The following RRP1 variants were observed in gnomAD, a reference collection of about 807,000 sequenced individuals.
RRP1 encodes the protein ribosomal RNA processing protein 1 homolog A.
RRP1 carries 37 observed loss-of-function variants against 54.6 expected under a neutral mutation model. The observed-to-expected ratio is 0.68, with a 90% CI of 0.52 to 0.89. The LOEUF (loss-of-function observed/expected upper bound fraction) is 0.89, where lower values mean the gene tolerates loss of function less well. Ranked by LOEUF, RRP1 falls within the 40% of genes least tolerant of loss-of-function variation. RRP1 has a pLI of 0.00. For synonymous variants in RRP1, 262 were observed against 244.3 expected (o/e 1.07, Z -0.67); for missense variants, 639 against 612.5 (o/e 1.04, Z -0.46).
In RRP1 at chr21:43,789,607, A is replaced by AG. The variant is rs749419242; in HGVS notation, c.-18dup. 4 of 1,584,086 alleles carry AG rather than the reference A, an allele frequency of 2.5e-6. No homozygotes were observed. In the African/African-American group the frequency reaches 5.5e-5, roughly 22 times the overall value. On this transcript the variant is annotated 5_prime_UTR_variant, in exon 1 of 13. Transcript: ENST00000497547. ...GCTGGGTACCAGGCGACTCCGGGAC[A>AG]GGGGGTCTCGGCCGTCGGCGTCATG...
At chr21:43,803,469 G>A (rs377728127) in intron 12 of RRP1, 43 bp from the exon 13 acceptor site, 14 of 1,506,516 alleles carry the variant, frequency 9.3e-6, no homozygotes, top group South Asian at 2.5e-5. Context: ...GAAAGAGCCC[G>A]TGTTGGCATT....
chr21:43,803,303 T>C (rs2085111771), intron 12 of RRP1, among the ~76,000 whole-genome samples: 1 of 152,208 alleles, frequency 6.6e-6, no homozygotes, highest in African/African-American at 2.4e-5. Flanking sequence ...GTCCTCACGC[T>C]GGTCCTTCTG....
At chr21:43,791,066 T>G (rs1415942607) in intron 1 of RRP1, 1 of 540,494 alleles carries the variant, frequency 1.9e-6, no homozygotes, top group Non-Finnish European at 3.5e-6. Flanking sequence ...GGTTCGCAAT[T>G]TTGAATTTCC....
At chr21:43,791,056 G>C (rs924519999) in intron 1 of RRP1, 5 of 522,220 alleles carry the variant, frequency 9.6e-6, no homozygotes, top group African/African-American at 9.5e-5. Flanking sequence ...AAACCGTCAA[G>C]GTTCGCAATT....
At chr21:43,796,622 C>T (rs1342814999) in intron 5 of RRP1, among the ~76,000 whole-genome samples, 1 of 152,184 alleles carries the variant, frequency 6.6e-6, no homozygotes, top group Non-Finnish European at 1.5e-5. Context: ...ATCTGTGTGT[C>T]TTCCTCTTGG....
At chr21:43,791,300 A>G (rs1334513009) in intron 1 of RRP1, 50 bp from the exon 2 acceptor site, 1 of 1,588,532 alleles carries the variant, frequency 6.3e-7, no homozygotes, top group Admixed American at 1.7e-5. Flanking sequence ...CCTTTCTGGC[A>G]CTCGAAGGTG....
At chr21:43,800,703 C>A in intron 10 of RRP1, 89 bp downstream of exon 10, 2 of 1,514,462 alleles carry the variant, frequency 1.3e-6, no homozygotes, top group Non-Finnish European at 1.8e-6. Context: ...TTGTCCTGGG[C>A]CCTTCCGCAG....
Position 43,803,987 on chromosome 21 carries a change from G to T in RRP1, c.*213G>T. 1.7e-6 allele frequency: 1 copy of T among 586,926 alleles called. No homozygotes were observed. Among genetic ancestry groups the T allele is most frequent in the Non-Finnish European group, 2.8e-6 (1 of 353,660 alleles). 36.4% of individuals were successfully genotyped at this position (586,926 alleles called of 1,614,324 possible). A position where few individuals can be genotyped will look rare whatever the true frequency, so the allele number is the denominator to read the frequency against. The stretch of plus-strand genomic sequence containing the variant: ...CCCCAGAGCCTCCGCCTGTGGCTGT[G>T]ATGACCTTGGGCCAGAAGGTCAAAC... On this transcript the variant is annotated 3_prime_UTR_variant, in exon 13 of 13. Coordinates refer to ENST00000497547, the MANE Select transcript of RRP1 (RefSeq NM_003683.6).
intron 2 of RRP1, 142 bp downstream of exon 2, chr21:43,791,574 C>G: frequency 1.4e-6 from 1 of 709,528 alleles, no homozygotes; most frequent in Non-Finnish European, 2.3e-6. Context: ...TCAATCTCGG[C>G]TTACTGCAAC....
intron 1 of RRP1, chr21:43,790,875 G>A: frequency 4.8e-6 from 2 of 412,612 alleles, no homozygotes; most frequent in South Asian, 3.5e-5. Flanking sequence ...ACAGGCGTGA[G>A]CCACCGCACC....
rs73379017 is a variant in RRP1 at position 43,795,109 on chromosome 21, G to A, written c.361-80G>A. The A allele has an allele frequency of 2.5e-4, 327 of 1,315,954 alleles. 1 individual carries two copies. Among genetic ancestry groups the A allele is most frequent in the African/African-American group, 2.3e-3 (155 of 68,608 alleles). The allele number at this position is 1,315,954 out of a possible 1,614,324, so 81.5% of individuals were successfully genotyped here. ...CACGGCCATGACTTTATCCTGCAGC[G>A]GATGGTGGTACATGGGGATGGGTGG... On this transcript the variant is annotated intron_variant, in intron 4 of 12. Transcript: ENST00000497547.
In RRP1 at chr21:43,796,239, G is replaced by A. The variant is rs141676102; in HGVS notation, c.422+989G>A. On this transcript the variant is annotated intron_variant, in intron 5 of 12. Coordinates refer to ENST00000497547, the MANE Select transcript of RRP1 (RefSeq NM_003683.6). ...TGCATTTAGGGCAGCGGTGCCTCTG[G>A]TTTGGAGGGATTTTCATTCTTCTAT... Among the ~76,000 whole-genome samples the A allele has an allele frequency of 2.1e-3, 322 of 152,250 alleles. 2 individuals carry two copies. The highest frequency in any genetic ancestry group is 7.6e-3 in the African/African-American group (314 of 41,542).
rs543394282 is a variant in RRP1 at position 43,793,139 on chromosome 21, T to G, written c.275-180T>G. ...GTCTGTAGGACTCACTTGAGGAGCCTCTAAAAATCCTCATGTCCAGATCCT... is the reference window on the plus strand; with the variant it reads ...GTCTGTAGGACTCACTTGAGGAGCCGCTAAAAATCCTCATGTCCAGATCCT... On this transcript the variant is annotated intron_variant, in intron 3 of 12. Transcript: ENST00000497547. The G allele has an allele frequency of 3.9e-4, 237 of 613,732 alleles. 4 individuals are homozygous for G. The African/African-American group carries it at 4.0e-3, about 10-fold the overall frequency. The allele number at this position is 613,732 out of a possible 1,614,324, so 38.0% of individuals were successfully genotyped here.
chr21:43,801,359 C>T (rs1355447239), intron 11 of RRP1, among the ~76,000 whole-genome samples: 1 of 152,220 alleles, frequency 6.6e-6, no homozygotes, highest in African/African-American at 2.4e-5. Context: ...TCTGCGTGTC[C>T]CTGCCGGCCT....
rs1555889809 is a variant in RRP1, at chr21:43,791,413, A to G, written c.197A>G (p.Gln66Arg). The change falls in exon 2 of 13, where the codon CAG (glutamine) becomes CGG (arginine). Residue 66 changes from glutamine to arginine, a missense_variant. Gln to Arg is a conservative substitution (Grantham distance 43, BLOSUM62 1). Coordinates refer to ENST00000497547, the MANE Select transcript of RRP1 (RefSeq NM_003683.6). Reference protein sequence around the residue: ...WKGLFYCMWMQDKPLLQEELG... With the variant: ...WKGLFYCMWMRDKPLLQEELG... ...GGACTGTTTTATTGCATGTGGATGC[A>G]GGACAAGCCACTCCTCCAGGTGAGT... The G allele has an allele frequency of 3.1e-6, 5 of 1,613,870 alleles. No individual in the cohort carries two copies. Among genetic ancestry groups the G allele is most frequent in the Non-Finnish European group, 4.2e-6 (5 of 1,179,934 alleles).
intron 10 of RRP1, 27 bp downstream of exon 10, chr21:43,800,641 C>A: frequency 6.2e-7 from 1 of 1,605,594 alleles, no homozygotes; most frequent in Non-Finnish European, 8.5e-7. Context: ...GCTGCGTCCT[C>A]CCTGCTCCCC....
chr21:43,791,950 TGCA>T (rs2084964401), intron 2 of RRP1, among the ~76,000 whole-genome samples: 1 of 152,224 alleles, frequency 6.6e-6, no homozygotes, highest in Admixed American at 6.5e-5. Context: ...AGCCGTGCAC[TGCA>T]GCAGCACTGG....
Position 43,792,741 on chromosome 21 carries a change from C to G in RRP1, c.274+12C>G. The G allele has an allele frequency of 6.2e-7, 1 of 1,613,852 alleles. No homozygotes were observed. Among genetic ancestry groups the G allele is most frequent in the South Asian group, 1.1e-5 (1 of 91,078 alleles). On this transcript the variant is annotated intron_variant, in intron 3 of 12. Transcript: ENST00000497547. Reference sequence around the variant, plus strand: ...GACCACGGAGGCGCGTGAGTATGCTCTGCTGTAGTTGGGTGCATTTGTAGA... The same window carrying G: ...GACCACGGAGGCGCGTGAGTATGCTGTGCTGTAGTTGGGTGCATTTGTAGA...
chr21:43,803,386 G>A lies in RRP1; in HGVS notation c.1124-126G>A. The A allele has an allele frequency of 3.1e-6, 4 of 1,305,406 alleles. No homozygotes were observed. The South Asian group carries it at 4.7e-5, about 15-fold the overall frequency. The allele number at this position is 1,305,406 out of a possible 1,614,324, so 80.9% of individuals were successfully genotyped here. ...CCCACACTGGACACGGGATGCGTCT[G>A]GCTGGCTGTTGTGGCCGTGTTGTCC... On this transcript the variant is annotated intron_variant, in intron 12 of 12. Coordinates refer to ENST00000497547, the MANE Select transcript of RRP1 (RefSeq NM_003683.6).
Sources: allele counts gnomAD v4.1 joint callset (sites outside exome capture counted in the v4.1 genomes callset), GRCh38; gene constraint gnomAD v4.1.1; transcripts MANE v1.5; gene names NCBI Gene and HGNC (gene_info 2026-07-23, HGNC 2026-07-21).